Variants in PAK1 observed in about 807,000 individuals in gnomAD.
The protein encoded by PAK1 is p21 (RAC1) activated kinase 1.
PAK1 carries 29 observed loss-of-function variants against 67.4 expected under a neutral mutation model. The ratio of observed to expected loss-of-function variants is 0.43; its 90% CI spans 0.32 to 0.59. PAK1 has a LOEUF of 0.59. Among genes scored for constraint, PAK1 ranks in the 20% least tolerant of loss-of-function variants. The pLI is 0.07. For synonymous variants in PAK1, 223 were observed against 237.4 expected, an observed-to-expected ratio of 0.94 and a Z score of 0.56; for missense variants, 337 against 670.7, an observed-to-expected ratio of 0.50 and a Z score of 5.50.
chr11:77,399,354 GAGTGATC>G (rs1952287209), intron 1 of PAK1, among the ~76,000 whole-genome samples: 1 of 152,174 alleles, frequency 6.6e-6, no homozygotes, highest in Non-Finnish European at 1.5e-5. Context: ...AATTGAATTT[GAGTGATC>G]AGTGAAGTTT....
rs138726111 is a variant in PAK1, at chr11:77,333,001, A to C, written c.1414-134T>G. 2.9e-3 allele frequency: 2,155 copies of C among 748,462 alleles called. 6 individuals carry two copies. The highest frequency in any genetic ancestry group is 4.4e-3 in the Non-Finnish European group (1,954 of 445,066). 46.4% of individuals were successfully genotyped at this position (748,462 alleles called of 1,614,324 possible). A position where few individuals can be genotyped will look rare whatever the true frequency, so the allele number is the denominator to read the frequency against. Reference sequence around the variant, plus strand: ...AGTAGCAGCTGTGTATATATACTGGAAAGAGTATGACCTAAGGATCAGGTT... The same window carrying C: ...AGTAGCAGCTGTGTATATATACTGGCAAGAGTATGACCTAAGGATCAGGTT... On this transcript the variant is annotated intron_variant, in intron 13 of 14. Transcript: ENST00000356341.
intron 1 of PAK1, among the ~76,000 whole-genome samples, chr11:77,471,148 C>T (rs146757029): frequency 6.6e-6 from 1 of 152,234 alleles, no homozygotes; most frequent in East Asian, 1.9e-4. Flanking sequence ...ACCAAACTGA[C>T]AAAACTTCCC....
intron 11 of PAK1, among the ~76,000 whole-genome samples, chr11:77,337,977 T>G (rs1376788905): frequency 1.3e-5 from 2 of 152,164 alleles, no homozygotes; most frequent in Non-Finnish European, 2.9e-5. Context: ...TTACAAGTCA[T>G]TTGGGAAGAG....
intron 1 of PAK1, among the ~76,000 whole-genome samples, chr11:77,397,669 A>G (rs1952015052): frequency 6.6e-6 from 1 of 152,224 alleles, no homozygotes. Context: ...CAGAGAAGGA[A>G]TGTGCTCACC....
At chr11:77,528,393 TC>T in the PAK1 span, among the ~76,000 whole-genome samples, 177 of 151,850 alleles carry the variant, frequency 1.2e-3, 1 homozygote, top group African/African-American at 4.2e-3. Flanking sequence ...GGGGTCTTCC[TC>T]TGTTGCCCAG....
intron 2 of PAK1, among the ~76,000 whole-genome samples, chr11:77,386,178 G>T (rs1057255193): frequency 1.3e-5 from 2 of 152,108 alleles, no homozygotes; most frequent in Non-Finnish European, 2.9e-5. Flanking sequence ...CCCATGTCTT[G>T]GTATAGCCAT....
intron 5 of PAK1, 97 bp downstream of exon 5, chr11:77,374,231 T>G (rs1465397776): frequency 1.3e-6 from 1 of 749,178 alleles, no homozygotes; most frequent in Non-Finnish European, 2.3e-6. Context: ...GAGTGACTAA[T>G]ATGAGTGCCT....
chr11:77,475,646 C>G (rs1226134290), upstream of PAK1: 1 of 152,212 alleles, frequency 6.6e-6, no homozygotes, highest in African/African-American at 2.4e-5. Context: ...ATTCATTGTA[C>G]AAAGCTGAGC....
intron 1 of PAK1, among the ~76,000 whole-genome samples, chr11:77,404,873 A>G (rs932389958): frequency 2.6e-5 from 4 of 152,258 alleles, no homozygotes; most frequent in Admixed American, 2.0e-4. Flanking sequence ...ATCTAGTTGA[A>G]TAAGAGAAAG....
At chr11:77,497,188 A>G in the PAK1 span, among the ~76,000 whole-genome samples, 2 of 152,250 alleles carry the variant, frequency 1.3e-5, no homozygotes, top group Admixed American at 6.5e-5. Flanking sequence ...AGGTGTGCCC[A>G]GGTCCTTATC....
intron 1 of PAK1, among the ~76,000 whole-genome samples, chr11:77,417,694 G>C (rs902219645): frequency 1.3e-5 from 2 of 151,640 alleles, no homozygotes; most frequent in East Asian, 1.9e-4. Context: ...GGTGATAATA[G>C]AGGAAATGGG....
chr11:77,392,242 A>T, intron 2 of PAK1, 89 bp downstream of exon 2: 1 of 921,162 alleles, frequency 1.1e-6, no homozygotes, highest in Non-Finnish European at 1.6e-6. Flanking sequence ...AAGGAAAATT[A>T]AGTCAAAGAC....
chr11:77,489,440 C>G, the PAK1 span, among the ~76,000 whole-genome samples: 1 of 151,758 alleles, frequency 6.6e-6, no homozygotes, highest in Admixed American at 6.6e-5. Context: ...CCTCTCCCCT[C>G]TCCCCTCTCC....
chr11:77,464,076 T>C (rs1478057730), intron 1 of PAK1, among the ~76,000 whole-genome samples: 1 of 152,234 alleles, frequency 6.6e-6, no homozygotes, highest in Non-Finnish European at 1.5e-5. Flanking sequence ...ATTTTTTCAG[T>C]ATTGTCTTCA....
chr11:77,472,200 C>T (rs1251113987), intron 1 of PAK1, among the ~76,000 whole-genome samples: 1 of 152,178 alleles, frequency 6.6e-6, no homozygotes, highest in Non-Finnish European at 1.5e-5. Context: ...CCAAGGTAGA[C>T]CCATGAGCTC....
At chr11:77,339,761 T>C (rs1943290707) in intron 11 of PAK1, among the ~76,000 whole-genome samples, 1 of 152,108 alleles carries the variant, frequency 6.6e-6, no homozygotes, top group South Asian at 2.1e-4. Context: ...CATCTCATCT[T>C]CTATGCTTCC....
intron 1 of PAK1, among the ~76,000 whole-genome samples, chr11:77,464,310 A>C: frequency 6.6e-6 from 1 of 152,208 alleles, no homozygotes; most frequent in Admixed American, 6.5e-5. Flanking sequence ...TGCACATCTC[A>C]GTTTAAAAGC....
At chr11:77,496,627 AAAAG>A in the PAK1 span, among the ~76,000 whole-genome samples, 1 of 152,064 alleles carries the variant, frequency 6.6e-6, no homozygotes, top group Non-Finnish European at 1.5e-5. Context: ...AAAGAAAAGA[AAAAG>A]AAATAAAAAT....
Position 77,358,939 on chromosome 11 carries a change from G to T in PAK1, c.556C>A (p.Pro186Thr), listed in dbSNP as rs1401264540. 1 of 1,613,440 alleles carries T rather than the reference G, an allele frequency of 6.2e-7. No homozygotes were observed. The highest frequency in any genetic ancestry group is 1.3e-5 in the African/African-American group (1 of 74,868). The part of the protein sequence containing the change: ...DEDDDDDDAT[P>T]PPVIAPRPEH... ...GGGCGTGGAGCAATCACTGGTGGTG[G>T]GGTAGCATCATCATCATCATCATCC... is the stretch of plus-strand genomic sequence containing the variant. Residue 186 changes from proline (P) to threonine (T), a missense_variant, in exon 6 of 15, where the codon CCA (proline) becomes ACA (threonine). By Grantham distance (38) the Pro-to-Thr change is conservative. This residue lies in a region of PAK1 where 150 missense variants were observed against 179.0 expected (regional missense o/e 0.84). Coordinates refer to ENST00000356341, the MANE Select transcript of PAK1 (RefSeq NM_002576.5).
Sources: gnomAD v4.1 joint callset for allele counts (sites outside exome capture counted in the v4.1 genomes callset) on GRCh38, gnomAD v4.1.1 for gene constraint, gnomAD v4.1.1 regional missense constraint, MANE v1.5 for transcripts, NCBI Gene and HGNC (gene_info 2026-07-23, HGNC 2026-07-21) for gene names.